The following COL23A1 variants were observed in gnomAD, a reference collection of about 807,000 sequenced individuals.
The protein encoded by COL23A1 is collagen alpha-1(XXIII) chain.
Under a neutral mutation model 99.3 loss-of-function variants are expected in COL23A1, and 97 were observed. That is an observed-to-expected ratio of 0.98 (90% confidence interval 0.83 to 1.16). The LOEUF (loss-of-function observed/expected upper bound fraction) is 1.16. Ranked by LOEUF, COL23A1 falls within the 50% of genes most tolerant of loss-of-function variation. The pLI is 0.00. For synonymous variants in COL23A1, 320 were observed against 308.2 expected (o/e 1.04, Z -0.40); for missense variants, 762 against 757.4 (o/e 1.01, Z -0.07).
rs892279392 is a variant in COL23A1, at chr5:178,384,227, G to C, written c.362-77308C>G. On this transcript the variant is annotated intron_variant, in intron 2 of 28. Coordinates refer to ENST00000390654, the MANE Select transcript of COL23A1 (RefSeq NM_173465.4). This position sits in a 1 kb window ranked among gnomAD's most constrained non-coding sequence, Gnocchi z 5.5. ...GCAGCGTGGAGCCAGACGCTGCTGC[G>C]AGCTGAGCTGCGATCGCAAATGCAC... Among the ~76,000 whole-genome samples the C allele has an allele frequency of 3.3e-5, 5 of 152,198 alleles. No homozygotes were observed. The highest frequency in any genetic ancestry group is 9.6e-5 in the African/African-American group (4 of 41,462).
chr5:178,452,555 G>A (rs920264049), intron 2 of COL23A1, among the ~76,000 whole-genome samples: 2 of 152,190 alleles, frequency 1.3e-5, no homozygotes, highest in Non-Finnish European at 2.9e-5. Context: ...AAAGGCTAAT[G>A]ACACACTGGG....
chr5:178,280,962 G>A lies in COL23A1; in HGVS notation c.441+7362C>T, dbSNP rs139063335. Among the ~76,000 whole-genome samples, 1 of 152,318 alleles carries A rather than the reference G, an allele frequency of 6.6e-6. No homozygotes were observed. The highest frequency in any genetic ancestry group is 1.5e-5 in the Non-Finnish European group (1 of 68,020). ...GCTGCCCCACATGGGACACTCACGG[G>A]GACACTGGGGACACAGTGCTGGACC... is the stretch of plus-strand genomic sequence containing the variant. On this transcript the variant is annotated intron_variant, in intron 5 of 28. Transcript: ENST00000390654. The surrounding 1 kb of genome is among the most constrained non-coding windows in gnomAD (Gnocchi z 4.9).
At chr5:178,419,111 G>T (rs569517348) in intron 2 of COL23A1, among the ~76,000 whole-genome samples, 1 of 152,172 alleles carries the variant, frequency 6.6e-6, no homozygotes, top group South Asian at 2.1e-4. Context: ...GTTGGCACTC[G>T]CTTTTAAGGT....
intron 2 of COL23A1, among the ~76,000 whole-genome samples, chr5:178,364,240 G>A (rs534912142): frequency 4.3e-4 from 66 of 152,322 alleles, no homozygotes; most frequent in African/African-American, 1.5e-3. Flanking sequence ...TTGTAAGTCT[G>A]AGAAGAAAGC....
chr5:178,244,163 G>C (rs1189820702), intron 25 of COL23A1, among the ~76,000 whole-genome samples: 6 of 112,896 alleles, frequency 5.3e-5, no homozygotes, highest in African/African-American at 2.0e-4. Flanking sequence ...TTTTTTTTTT[G>C]TATATTTAGT....
intron 6 of COL23A1, among the ~76,000 whole-genome samples, chr5:178,269,987 A>G (rs958824401): frequency 6.6e-6 from 1 of 152,240 alleles, no homozygotes; most frequent in Non-Finnish European, 1.5e-5. Context: ...TAGTGAGGAC[A>G]CTGTGCCTGT....
intron 2 of COL23A1, among the ~76,000 whole-genome samples, chr5:178,314,333 C>G (rs1397181990): frequency 1.3e-5 from 2 of 152,172 alleles, no homozygotes; most frequent in Non-Finnish European, 2.9e-5. Flanking sequence ...GGAAAGCCAA[C>G]ACCACAGGCT....
intron 2 of COL23A1, among the ~76,000 whole-genome samples, chr5:178,343,956 C>T (rs1193654496): frequency 3.3e-5 from 5 of 152,124 alleles, no homozygotes; most frequent in Admixed American, 6.5e-5. Flanking sequence ...CCACCGTACC[C>T]GGCCTAAAAT....
Position 178,524,743 on chromosome 5 carries a change from CA to C in COL23A1, c.361+35938del, listed in dbSNP as rs1446771720. Among the ~76,000 whole-genome samples, 17 of 152,306 alleles carry C rather than the reference CA, an allele frequency of 1.1e-4. 1 individual carries two copies. Among genetic ancestry groups the C allele is most frequent in the African/African-American group, 4.1e-4 (17 of 41,578 alleles). ...CCTGACGCCTCCTATGCCCCTGAAG[CA>C]GGGCCTTCTTTTTTCATAAGGGCCC... is the stretch of plus-strand genomic sequence containing the variant. On this transcript the variant is annotated intron_variant, in intron 2 of 28. Transcript: ENST00000390654.
intron 2 of COL23A1, among the ~76,000 whole-genome samples, chr5:178,546,726 A>G: frequency 6.6e-6 from 1 of 152,210 alleles, no homozygotes; most frequent in East Asian, 1.9e-4. Flanking sequence ...TCCTATTTGT[A>G]CCATGTAGCA....
intron 1 of COL23A1, among the ~76,000 whole-genome samples, chr5:178,571,685 G>T (rs1763102931): frequency 6.6e-6 from 1 of 152,182 alleles, no homozygotes; most frequent in Non-Finnish European, 1.5e-5. Context: ...TGCCACAGAG[G>T]TTGGAATTAG....
intron 2 of COL23A1, among the ~76,000 whole-genome samples, chr5:178,382,454 G>A (rs973517766): frequency 3.9e-5 from 6 of 152,186 alleles, no homozygotes; most frequent in Non-Finnish European, 7.4e-5. Flanking sequence ...GGGCTAGAAG[G>A]TGGGAATCAC....
chr5:178,295,766 T>C (rs149272723), intron 3 of COL23A1, among the ~76,000 whole-genome samples: 1 of 152,362 alleles, frequency 6.6e-6, no homozygotes, highest in East Asian at 1.9e-4. Flanking sequence ...CAGCTGCAGA[T>C]GGAATACTAT....
At chr5:178,276,467 C>T (rs890328736) in intron 5 of COL23A1, among the ~76,000 whole-genome samples, 1 of 152,194 alleles carries the variant, frequency 6.6e-6, no homozygotes, top group African/African-American at 2.4e-5. Context: ...AGTAATTACA[C>T]CCCAGATGTT....
At chr5:178,447,555 A>G (rs1407966262) in intron 2 of COL23A1, among the ~76,000 whole-genome samples, 1 of 152,182 alleles carries the variant, frequency 6.6e-6, no homozygotes, top group Non-Finnish European at 1.5e-5. Flanking sequence ...CAGTACAGTA[A>G]CATACTGTTA....
chr5:178,358,117 G>C (rs1213824369), intron 2 of COL23A1, among the ~76,000 whole-genome samples: 1 of 149,874 alleles, frequency 6.7e-6, no homozygotes, highest in Non-Finnish European at 1.5e-5. Context: ...GTATGTGTAT[G>C]TGTACGTGTG....
chr5:178,277,480 C>T (rs942954611), intron 5 of COL23A1, among the ~76,000 whole-genome samples: 1 of 152,256 alleles, frequency 6.6e-6, no homozygotes, highest in African/African-American at 2.4e-5. Context: ...CGGGAGATCT[C>T]GCAGACCCTG....
chr5:178,302,707 G>GT (rs1561842385), intron 3 of COL23A1, among the ~76,000 whole-genome samples: 1 of 152,172 alleles, frequency 6.6e-6, no homozygotes, highest in Non-Finnish European at 1.5e-5. Context: ...TATTTTTATT[G>GT]TAAGTTTTCA....
At chr5:178,470,405 C>T (rs745582424) in intron 2 of COL23A1, among the ~76,000 whole-genome samples, 7 of 152,312 alleles carry the variant, frequency 4.6e-5, no homozygotes, top group South Asian at 2.1e-4. Flanking sequence ...TAGAACTGTT[C>T]CTCACTGGAA....
Sources: allele counts gnomAD v4.1 joint callset (sites outside exome capture counted in the v4.1 genomes callset), GRCh38; gene constraint gnomAD v4.1.1; non-coding constraint Gnocchi (gnomAD v3.1); transcripts MANE v1.5; gene names NCBI Gene and HGNC (gene_info 2026-07-23, HGNC 2026-07-21).